Variants in FOXN2 observed in about 807,000 individuals in gnomAD.
The protein encoded by FOXN2 is forkhead box protein N2.
In FOXN2, 19 loss-of-function variants were observed where a neutral mutation model predicts 41.2. The observed-to-expected ratio is 0.46, with a 90% CI of 0.32 to 0.68. The LOEUF (loss-of-function observed/expected upper bound fraction) is 0.68, where lower values mean the gene tolerates loss of function less well. FOXN2 is among the 30% of genes least tolerant of loss of function. FOXN2 has a pLI of 0.03. For missense variants in FOXN2, 587 were observed against 509.4 expected, an observed-to-expected ratio of 1.15 and a Z score of -1.47; for synonymous variants, 195 against 176.8, an observed-to-expected ratio of 1.10 and a Z score of -0.82.
chr2:48,345,554 A>C (rs549833400), intron 2 of FOXN2, among the ~76,000 whole-genome samples: 12 of 152,328 alleles, frequency 7.9e-5, no homozygotes, highest in African/African-American at 2.6e-4. Context: ...AGCCTGATCT[A>C]ATCATTTCAC....
chr2:48,337,339 T>C (rs1384339615), intron 2 of FOXN2, among the ~76,000 whole-genome samples: 1 of 151,548 alleles, frequency 6.6e-6, no homozygotes, highest in East Asian at 1.9e-4. Flanking sequence ...CCTTTGTTGC[T>C]TAGGCTGGTG....
chr2:48,343,570 G>GCAA (rs745723306), intron 2 of FOXN2, among the ~76,000 whole-genome samples: 2 of 152,046 alleles, frequency 1.3e-5, no homozygotes, highest in African/African-American at 2.4e-5. Context: ...ACCAGCCTGG[G>GCAA]CAACCATAGC....
At chr2:48,343,708 A>G (rs1670913505) in intron 2 of FOXN2, among the ~76,000 whole-genome samples, 1 of 151,798 alleles carries the variant, frequency 6.6e-6, no homozygotes, top group East Asian at 1.9e-4. Context: ...ACAGTGAACC[A>G]TGATATCGCC....
At chr2:48,339,913 A>C (rs192551974) in intron 2 of FOXN2, among the ~76,000 whole-genome samples, 1 of 152,236 alleles carries the variant, frequency 6.6e-6, no homozygotes, top group Non-Finnish European at 1.5e-5. Context: ...TTGAATATTC[A>C]TAAAATGGAA....
intron 1 of FOXN2, among the ~76,000 whole-genome samples, chr2:48,316,669 A>G (rs983865677): frequency 2.0e-5 from 3 of 152,220 alleles, no homozygotes; most frequent in Admixed American, 6.5e-5. Flanking sequence ...GTAGAAGGTC[A>G]AAGAGTTGAA....
chr2:48,375,543 A>G lies in FOXN2; in HGVS notation c.*100A>G, dbSNP rs1194609511. 8.4e-7 allele frequency: 1 copy of G among 1,184,040 alleles called. No homozygotes were observed. The highest frequency in any genetic ancestry group is 1.2e-6 in the Non-Finnish European group (1 of 869,486). 73.3% of individuals were successfully genotyped at this position (1,184,040 alleles called of 1,614,324 possible). ...AGTTTTAGGGTAGGGAAGGGATACTAATTACTTATTTCTTTCAAAACATTT... is the reference window on the plus strand; with the variant it reads ...AGTTTTAGGGTAGGGAAGGGATACTGATTACTTATTTCTTTCAAAACATTT... On this transcript the variant is annotated 3_prime_UTR_variant, in exon 7 of 7. Transcript: ENST00000340553.
intron 1 of FOXN2, among the ~76,000 whole-genome samples, chr2:48,318,368 T>C (rs796348932): frequency 1.3e-5 from 2 of 152,338 alleles, no homozygotes; most frequent in African/African-American, 4.8e-5. Context: ...TATCCCTCAA[T>C]TGAGATTTAT....
At chr2:48,336,027 CAA>C (rs199617210) in intron 2 of FOXN2, among the ~76,000 whole-genome samples, 2 of 91,234 alleles carry the variant, frequency 2.2e-5, no homozygotes, top group African/African-American at 3.8e-5. Context: ...GACTCTGTCT[CAA>C]AAAAAAAAAA....
At position 48,375,254 on chromosome 2, in the gene FOXN2, A is replaced by G. The variant is rs1431956020; in HGVS notation, c.1107A>G (p.Ser369=). Residue 369 remains serine (S), a synonymous_variant, in exon 7 of 7, where the codon TCA becomes TCG. Coordinates refer to ENST00000340553, the MANE Select transcript of FOXN2 (RefSeq NM_002158.4). The part of the protein sequence containing the change: ...DDPLGDSGYA[S]QPCAKISEKG... ...CTCTTGGAGACAGTGGCTATGCATCACAGCCTTGTGCAAAAATCTCTGAAA... is the reference window on the plus strand; with the variant it reads ...CTCTTGGAGACAGTGGCTATGCATCGCAGCCTTGTGCAAAAATCTCTGAAA... 1 of 1,614,112 alleles carries G rather than the reference A, an allele frequency of 6.2e-7. No homozygotes were observed. Among genetic ancestry groups the G allele is most frequent in the South Asian group, 1.1e-5 (1 of 91,086 alleles).
Position 48,376,988 on chromosome 2 carries a change from AATTTTT to A in FOXN2, c.*1551_*1556del, listed in dbSNP as rs1414263281. 2 of 152,040 alleles carry A rather than the reference AATTTTT, an allele frequency of 1.3e-5. No individual in the cohort carries two copies. Among genetic ancestry groups the A allele is most frequent in the Non-Finnish European group, 2.9e-5 (2 of 67,866 alleles). 9.4% of individuals were successfully genotyped at this position (152,040 alleles called of 1,614,324 possible). ...TTTTAAGAGACAAATTTTAACTTTT[AATTTTT>A]ATTTTGGCAAAACTGTCAAATGAGA... On this transcript the variant is annotated 3_prime_UTR_variant, in exon 7 of 7. Coordinates refer to ENST00000340553, the MANE Select transcript of FOXN2 (RefSeq NM_002158.4).
At chr2:48,342,774 C>CT (rs1670859765) in intron 2 of FOXN2, among the ~76,000 whole-genome samples, 1 of 152,140 alleles carries the variant, frequency 6.6e-6, no homozygotes, top group South Asian at 2.1e-4. Flanking sequence ...TTATAAACGG[C>CT]TTTTTTTCCT....
Position 48,375,210 on chromosome 2 carries a change from G to A in FOXN2, c.1063G>A (p.Val355Ile), listed in dbSNP as rs752231202. The A allele has an allele frequency of 3.1e-6, 5 of 1,614,122 alleles. No individual in the cohort carries two copies. The highest frequency in any genetic ancestry group is 1.1e-5 in the South Asian group (1 of 91,082). Residue 355 changes from valine (V) to isoleucine (I), a missense_variant, in exon 7 of 7, where the codon GTT becomes ATT. Transcript: ENST00000340553. ...EGFHSEEDTD[V>I]DYEDDPLGDS... ...ATTTCACAGTGAAGAAGATACAGACGTTGATTATGAAGATGATCCTCTTGG... is the reference window on the plus strand; with the variant it reads ...ATTTCACAGTGAAGAAGATACAGACATTGATTATGAAGATGATCCTCTTGG...
intron 2 of FOXN2, among the ~76,000 whole-genome samples, chr2:48,344,830 C>T (rs562493887): frequency 2.6e-4 from 33 of 125,358 alleles, no homozygotes; most frequent in Non-Finnish European, 4.5e-4. Context: ...GCAAAACAAA[C>T]TCTGGAGGTA....
chr2:48,317,415 C>T (rs939412158), intron 1 of FOXN2, among the ~76,000 whole-genome samples: 1 of 150,388 alleles, frequency 6.6e-6, no homozygotes, highest in Admixed American at 6.6e-5. Flanking sequence ...TGCCACTGCA[C>T]TCCAGCCTGG....
At chr2:48,372,102 T>A (rs1306145244) in intron 5 of FOXN2, among the ~76,000 whole-genome samples, 1 of 152,196 alleles carries the variant, frequency 6.6e-6, no homozygotes, top group Non-Finnish European at 1.5e-5. Context: ...ATCCTTTTCT[T>A]GTTTCAGTTC....
chr2:48,345,660 C>T (rs1671050100), intron 2 of FOXN2, among the ~76,000 whole-genome samples: 1 of 151,964 alleles, frequency 6.6e-6, no homozygotes, highest in African/African-American at 2.4e-5. Flanking sequence ...AAAATGTTAT[C>T]TCTTTTTAGT....
chr2:48,358,960 T>G (rs991425646), intron 3 of FOXN2, 87 bp from the exon 4 acceptor site: 3 of 983,194 alleles, frequency 3.1e-6, no homozygotes, highest in Non-Finnish European at 4.6e-6. Context: ...CTAGAGATTA[T>G]TTACCCCTGC....
Position 48,346,264 on chromosome 2 carries a change from G to T in FOXN2, c.50G>T (p.Gly17Val). Residue 17 changes from glycine to valine, a missense_variant, in exon 3 of 7, where the codon GGA becomes GTA. Gly to Val is a moderately radical substitution (Grantham distance 109). Transcript: ENST00000340553. ...MTPDKRAETP[G>V]AEKIAGLSQI... ...CCAGATAAGAGAGCTGAAACCCCAGGAGCTGAAAAGATTGCAGGATTAAGC... is the reference window on the plus strand; with the variant it reads ...CCAGATAAGAGAGCTGAAACCCCAGTAGCTGAAAAGATTGCAGGATTAAGC... 6.2e-7 allele frequency: 1 copy of T among 1,614,026 alleles called. No individual in the cohort carries two copies. The highest frequency in any genetic ancestry group is 8.5e-7 in the Non-Finnish European group (1 of 1,179,954).
chr2:48,331,165 C>G (rs1416199858), intron 2 of FOXN2, among the ~76,000 whole-genome samples: 3 of 152,044 alleles, frequency 2.0e-5, no homozygotes, highest in Admixed American at 6.5e-5. Context: ...AATTAATTTG[C>G]CTAAGTTTGC....
Sources: allele counts gnomAD v4.1 joint callset (sites outside exome capture counted in the v4.1 genomes callset), GRCh38; gene constraint gnomAD v4.1.1; transcripts MANE v1.5; gene names NCBI Gene and HGNC (gene_info 2026-07-23, HGNC 2026-07-21).